The following PSMB8 variants were observed in gnomAD, a reference collection of about 807,000 sequenced individuals.
PSMB8 encodes proteasome 20S subunit beta 8.
Under a neutral mutation model 32.3 loss-of-function variants are expected in PSMB8, and 20 were observed. The ratio of observed to expected loss-of-function variants is 0.62; its 90% CI spans 0.44 to 0.90. The LOEUF (loss-of-function observed/expected upper bound fraction) is 0.90. PSMB8 is among the 40% of genes least tolerant of loss of function. The pLI is 0.00. For synonymous variants in PSMB8, 131 were observed against 135.4 expected (o/e 0.97, Z 0.23); for missense variants, 342 against 365.4 (o/e 0.94, Z 0.52).
chr6:32,841,837 C>T, intron 4 of PSMB8, 102 bp from the exon 5 acceptor site: 1 of 1,229,878 alleles, frequency 8.1e-7, no homozygotes. Context: ...ATTAATATTA[C>T]CACAAGAACA....
upstream of PSMB8, chr6:32,844,534 C>G (rs1210112400): frequency 8.0e-7 from 1 of 1,245,584 alleles, no homozygotes; most frequent in African/African-American, 1.5e-5. Flanking sequence ...AGGGAGAGGG[C>G]GCAGTCTCTG....
chr6:32,843,707 T>A, intron 1 of PSMB8, 143 bp downstream of exon 1: 3 of 998,798 alleles, frequency 3.0e-6, no homozygotes, highest in Non-Finnish European at 4.5e-6. Flanking sequence ...TGGCCTCTTC[T>A]TTGGGTCTGG....
At chr6:32,844,454 G>A, upstream of PSMB8, 1 of 1,611,826 alleles carries the variant, frequency 6.2e-7, no homozygotes, top group Non-Finnish European at 8.5e-7. Context: ...CGAGGGGGCA[G>A]AGTCTTGGAA....
intron 1 of PSMB8, 113 bp downstream of exon 1, chr6:32,843,737 C>A: frequency 7.4e-7 from 1 of 1,342,632 alleles, no homozygotes; most frequent in South Asian, 1.2e-5. Context: ...GGACTGAAGG[C>A]TACCCCCGAC....
At position 32,841,627 on chromosome 6, in the gene PSMB8, G is replaced by C; in HGVS notation, c.646C>G (p.Arg216Gly). ...YAYGVMDSGY[R>G]PNLSPEEAYD... is the part of the protein sequence containing the mutation. Reference sequence around the variant, plus strand: ...GCCTCTTCAGGGCTAAGATTAGGCCGATAGCCACTGTCCATGACCCCGTAG... The same window carrying C: ...GCCTCTTCAGGGCTAAGATTAGGCCCATAGCCACTGTCCATGACCCCGTAG... Residue 216 changes from arginine (R) to glycine (G), a missense_variant, in exon 5 of 6, where the codon CGG becomes GGG. Transcript: ENST00000374882. 2.5e-6 allele frequency: 4 copies of C among 1,613,002 alleles called. No homozygotes were observed. Among genetic ancestry groups the C allele is most frequent in the Non-Finnish European group, 2.5e-6 (3 of 1,180,024 alleles).
chr6:32,841,487 G>T (rs111402990), intron 5 of PSMB8, 44 bp downstream of exon 5: 1 of 1,581,882 alleles, frequency 6.3e-7, no homozygotes, highest in African/African-American at 1.3e-5. Context: ...CCCACCACCC[G>T]CCGACTCCTC....
At position 32,840,847 on chromosome 6, in the gene PSMB8, T is replaced by A; in HGVS notation, c.*112A>T. The A allele has an allele frequency of 1.1e-6, 1 of 878,098 alleles. No homozygotes were observed. The highest frequency in any genetic ancestry group is 1.4e-5 in the South Asian group (1 of 72,280). The allele number at this position is 878,098 out of a possible 1,614,324, so 54.4% of individuals were successfully genotyped here. On this transcript the variant is annotated 3_prime_UTR_variant, in exon 6 of 6. Transcript: ENST00000374882. ...CCTCCTCTGGCTGCTGAGCCCGTACTCTCTCTTTGGCTCAGGCTAGGCCTC... is the reference window on the plus strand; with the variant it reads ...CCTCCTCTGGCTGCTGAGCCCGTACACTCTCTTTGGCTCAGGCTAGGCCTC...
At chr6:32,844,399 G>T, upstream of PSMB8, 1 of 1,613,890 alleles carries the variant, frequency 6.2e-7, no homozygotes, top group Non-Finnish European at 8.5e-7. Flanking sequence ...GCGGGGTGGG[G>T]GTTCCTATGA....
At chr6:32,844,061 C>T (rs1770140394), upstream of PSMB8, 3 of 1,593,944 alleles carry the variant, frequency 1.9e-6, no homozygotes, top group African/African-American at 1.3e-5. Context: ...AGCCACAGAT[C>T]GAAGGGGAGG....
rs751155476 is a variant in PSMB8, at chr6:32,842,111, C to T, written c.537+23G>A. 3.1e-6 allele frequency: 5 copies of T among 1,613,058 alleles called. No homozygotes were observed. In the Admixed American group the frequency reaches 6.7e-5, roughly 21 times the overall value. ...ATCCATAGGGAACATGGTGGGGGAA[C>T]ATGAAGAATGGAGAGCACCCACCTT... On this transcript the variant is annotated intron_variant, in intron 4 of 5. Coordinates refer to ENST00000374882, the MANE Select transcript of PSMB8 (RefSeq NM_148919.4).
chr6:32,844,467 A>T, upstream of PSMB8: 6 of 1,607,540 alleles, frequency 3.7e-6, no homozygotes, highest in Non-Finnish European at 5.1e-6. Flanking sequence ...TCTTGGAAAC[A>T]GGTCCTGGGC....
chr6:32,843,659 C>T (rs1269340473), intron 1 of PSMB8, among the ~76,000 whole-genome samples, 191 bp downstream of exon 1: 1 of 152,214 alleles, frequency 6.6e-6, no homozygotes, highest in Non-Finnish European at 1.5e-5. Context: ...ACTCTTTGTC[C>T]TAACTTGCAC....
Position 32,842,732 on chromosome 6 carries a change from G to T in PSMB8, c.347C>A (p.Thr116Asn). The change falls in exon 3 of 6, where the codon ACC becomes AAC. Residue 116 changes from threonine (T) to asparagine (N), a missense_variant. Coordinates refer to ENST00000374882, the MANE Select transcript of PSMB8 (RefSeq NM_148919.4). ...VIEINPYLLG[T>N]MSGCAADCQY... is the part of the protein sequence containing the mutation. ...ACAGTCTGCTGCACAGCCAGACATGGTGCCAAGCAGGTAAGGGTTAATCTC... is the reference window on the plus strand; with the variant it reads ...ACAGTCTGCTGCACAGCCAGACATGTTGCCAAGCAGGTAAGGGTTAATCTC... 6.2e-7 allele frequency: 1 copy of T among 1,614,214 alleles called. No homozygotes were observed. The highest frequency in any genetic ancestry group is 8.5e-7 in the Non-Finnish European group (1 of 1,180,030).
Position 32,843,953 on chromosome 6 carries a change from G to A in PSMB8, c.44C>T (p.Pro15Leu). Reference protein sequence around the residue: ...DVCGAPRGQRPESALPVAGSG... With the variant: ...DVCGAPRGQRLESALPVAGSG... ...TCCCGCAACCGGGAGAGCCGATTCC[G>A]GCCGCTGCCCTCGGGGGGCTCCGCA... The change falls in exon 1 of 6, where the codon CCG (proline) becomes CTG (leucine). Residue 15 changes from proline (P) to leucine (L), a missense_variant. Transcript: ENST00000374882. The A allele has an allele frequency of 6.2e-7, 1 of 1,612,620 alleles. No individual in the cohort carries two copies. Among genetic ancestry groups the A allele is most frequent in the Middle Eastern group, 1.6e-4 (1 of 6,062 alleles).
chr6:32,842,148 C>T lies in PSMB8; in HGVS notation c.523G>A (p.Gly175Ser), dbSNP rs750218593. 3 of 1,613,098 alleles carry T rather than the reference C, an allele frequency of 1.9e-6. No homozygotes were observed. Among genetic ancestry groups the T allele is most frequent in the South Asian group, 1.1e-5 (1 of 91,084 alleles). The change falls in exon 4 of 6, where the codon GGC becomes AGC. Residue 175 changes from glycine to serine, a missense_variant. By Grantham distance (56) the Gly-to-Ser change is moderately conservative. Transcript: ENST00000374882. ...MGLSMGSMICGWDKKGPGLYY... is the reference protein window; with the variant it reads ...MGLSMGSMICSWDKKGPGLYY... ...AGAGCACCCACCTTCTTATCCCAGC[C>T]ACAGATCATACTGCCCATAGAGAGG...
rs369078226 is a variant in PSMB8 at position 32,842,693 on chromosome 6, C to A, written c.386G>T (p.Arg129Leu). Residue 129 changes from arginine (R) to leucine (L), a missense_variant, in exon 3 of 6, where the codon CGC (arginine) becomes CTC (leucine). Coordinates refer to ENST00000374882, the MANE Select transcript of PSMB8 (RefSeq NM_148919.4). Reference protein sequence around the residue: ...GCAADCQYWERLLAKECRLYY... With the variant: ...GCAADCQYWELLLAKECRLYY... ...TTACCTGCATTCCTTGGCCAGCAGG[C>A]GCTCCCAGTACTGACAGTCTGCTGC... 6.2e-7 allele frequency: 1 copy of A among 1,614,072 alleles called. No individual in the cohort carries two copies. The highest frequency in any genetic ancestry group is 1.3e-5 in the African/African-American group (1 of 75,044).
intron 5 of PSMB8, 131 bp from the exon 6 acceptor site, chr6:32,841,178 C>T: frequency 1.3e-6 from 1 of 794,582 alleles, no homozygotes; most frequent in Non-Finnish European, 2.2e-6. Context: ...CTTTAATGCC[C>T]TTCTTCTGAC....
Position 32,841,676 on chromosome 6 carries a change from G to A in PSMB8, c.597C>T (p.Ser199=), listed in dbSNP as rs1432964637. ...AGGCATAAGTGTTCCCACTACCCGT[G>A]GAGAACATATTTCCTGAGAGCCGAG... The part of the protein sequence containing the change: ...HGTRLSGNMF[S]TGSGNTYAYG... Residue 199 remains serine (S), a synonymous_variant, in exon 5 of 6, where the codon TCC becomes TCT. Coordinates refer to ENST00000374882, the MANE Select transcript of PSMB8 (RefSeq NM_148919.4). The A allele has an allele frequency of 6.2e-7, 1 of 1,612,898 alleles. No homozygotes were observed. The highest frequency in any genetic ancestry group is 2.2e-5 in the East Asian group (1 of 44,884).
At chr6:32,841,473 C>G (rs560211967) in intron 5 of PSMB8, 58 bp downstream of exon 5, 44 of 1,545,802 alleles carry the variant, frequency 2.8e-5, no homozygotes, top group African/African-American at 4.1e-5. Context: ...CTTAAATCAC[C>G]CCCCCCACCA....
Sources: gnomAD v4.1 joint callset for allele counts (sites outside exome capture counted in the v4.1 genomes callset) on GRCh38, gnomAD v4.1.1 for gene constraint, MANE v1.5 for transcripts, NCBI Gene and HGNC (gene_info 2026-07-23, HGNC 2026-07-21) for gene names.